MTHFD1L: variants seen among roughly 807,000 people sequenced by gnomAD.
The protein encoded by MTHFD1L is methylenetetrahydrofolate dehydrogenase (NADP+ dependent) 1 like.
MTHFD1L carries 81 observed loss-of-function variants against 119.5 expected under a neutral mutation model. That is an observed-to-expected ratio of 0.68 (90% confidence interval 0.57 to 0.82). The LOEUF (loss-of-function observed/expected upper bound fraction) is 0.82, where lower values mean the gene tolerates loss of function less well. MTHFD1L is among the 40% of genes least tolerant of loss of function. The pLI, the probability that MTHFD1L is intolerant of heterozygous loss-of-function variation, is 0.00. For synonymous variants in MTHFD1L, 430 were observed against 475.2 expected (o/e 0.90, Z 1.24); for missense variants, 1,125 against 1,253.4 (o/e 0.90, Z 1.55).
intron 8 of MTHFD1L, among the ~76,000 whole-genome samples, chr6:150,906,895 A>C (rs1347669263): frequency 1.3e-5 from 2 of 152,212 alleles, no homozygotes; most frequent in East Asian, 1.9e-4. Flanking sequence ...AACAGAGTCC[A>C]AGGAAAGAGG....
intron 25 of MTHFD1L, among the ~76,000 whole-genome samples, chr6:151,035,631 A>G (rs890228365): frequency 6.6e-6 from 1 of 152,120 alleles, no homozygotes; most frequent in Admixed American, 6.6e-5. Context: ...TGTGCAATGA[A>G]CCAAGTAAAA....
intron 26 of MTHFD1L, among the ~76,000 whole-genome samples, chr6:151,044,304 T>C (rs1787607699): frequency 6.6e-6 from 1 of 150,766 alleles, no homozygotes; most frequent in African/African-American, 2.4e-5. Flanking sequence ...TCTTTTTTTT[T>C]TTTTTTCTTT....
At chr6:150,951,859 G>C (rs1250887479) in intron 16 of MTHFD1L, among the ~76,000 whole-genome samples, 4 of 151,628 alleles carry the variant, frequency 2.6e-5, no homozygotes, top group Non-Finnish European at 5.9e-5. Flanking sequence ...GTTTACTGAT[G>C]ATAGGAAAAT....
At chr6:151,003,190 C>G (rs1182964351) in intron 20 of MTHFD1L, among the ~76,000 whole-genome samples, 1 of 151,912 alleles carries the variant, frequency 6.6e-6, no homozygotes, top group East Asian at 1.9e-4. Context: ...TTGAAAGTAC[C>G]AAACAGAATT....
chr6:151,063,560 A>G (rs959131683), intron 26 of MTHFD1L, among the ~76,000 whole-genome samples: 2 of 152,168 alleles, frequency 1.3e-5, no homozygotes, highest in African/African-American at 2.4e-5. Context: ...TTTACCAACA[A>G]ATGTGTCTTA....
chr6:151,087,999 C>CA (rs772477339), intron 26 of MTHFD1L: 3 of 152,186 alleles, frequency 2.0e-5, no homozygotes, highest in African/African-American at 7.2e-5. Context: ...CATAGATCTC[C>CA]ACTGACCCCA....
At chr6:150,962,127 T>A (rs1426809704) in intron 18 of MTHFD1L, among the ~76,000 whole-genome samples, 1 of 152,058 alleles carries the variant, frequency 6.6e-6, no homozygotes, top group Admixed American at 6.6e-5. Context: ...GTAGCTGGGA[T>A]TATGGGTGCC....
At chr6:150,972,138 C>A in intron 20 of MTHFD1L, 80 bp downstream of exon 20, 1 of 1,224,024 alleles carries the variant, frequency 8.2e-7, no homozygotes. Context: ...GAGTGATATC[C>A]ATCCTGACAT....
intron 20 of MTHFD1L, among the ~76,000 whole-genome samples, chr6:150,987,863 T>C (rs1778522974): frequency 6.6e-6 from 1 of 152,228 alleles, no homozygotes; most frequent in Non-Finnish European, 1.5e-5. Context: ...ATTTTCCATG[T>C]GCTGTGTTGA....
intron 10 of MTHFD1L, among the ~76,000 whole-genome samples, chr6:150,924,889 G>A (rs945302992): frequency 6.6e-6 from 1 of 152,208 alleles, no homozygotes; most frequent in African/African-American, 2.4e-5. Flanking sequence ...AGGCTAGAAA[G>A]GAAAGGTCGG....
chr6:150,878,517 G>T (rs559975599), intron 4 of MTHFD1L, among the ~76,000 whole-genome samples: 1 of 152,310 alleles, frequency 6.6e-6, no homozygotes, highest in East Asian at 1.9e-4. Context: ...CTCCCAAAGT[G>T]CTGGGATTAC....
At chr6:150,947,606 A>AT (rs1157178976) in intron 15 of MTHFD1L, among the ~76,000 whole-genome samples, 24 of 144,082 alleles carry the variant, frequency 1.7e-4, no homozygotes, top group East Asian at 1.6e-3. Context: ...TAAAAGTTTT[A>AT]ATTTTTTTTT....
chr6:151,001,473 C>T lies in MTHFD1L; in HGVS notation c.2126-8346C>T, dbSNP rs147328560. Among the ~76,000 whole-genome samples, 1,270 of 152,292 alleles carry T rather than the reference C, an allele frequency of 8.3e-3. 17 individuals carry two copies. Among genetic ancestry groups the T allele is most frequent in the African/African-American group, 0.029 (1,186 of 41,566 alleles). On this transcript the variant is annotated intron_variant, in intron 20 of 27. Coordinates refer to ENST00000367321, the MANE Select transcript of MTHFD1L (RefSeq NM_015440.5). Reference sequence around the variant, plus strand: ...AGAAATGAGAATTTCAGATCTAAAGCGGTTCTTGCCTTTTCTTTTCCCTCC... The same window carrying T: ...AGAAATGAGAATTTCAGATCTAAAGTGGTTCTTGCCTTTTCTTTTCCCTCC...
At chr6:150,988,870 C>T (rs977034278) in intron 20 of MTHFD1L, among the ~76,000 whole-genome samples, 3 of 146,950 alleles carry the variant, frequency 2.0e-5, no homozygotes, top group Admixed American at 6.8e-5. Context: ...CCTCCCAAAG[C>T]GCTGGGATTA....
intron 8 of MTHFD1L, among the ~76,000 whole-genome samples, chr6:150,912,051 G>A (rs962038538): frequency 1.3e-5 from 2 of 151,990 alleles, no homozygotes; most frequent in African/African-American, 4.8e-5. Flanking sequence ...CCAGATCTCA[G>A]GATAACTCAC....
chr6:150,998,349 C>T (rs1780117725), intron 20 of MTHFD1L, among the ~76,000 whole-genome samples: 1 of 152,140 alleles, frequency 6.6e-6, no homozygotes, highest in Admixed American at 6.5e-5. Flanking sequence ...AGTTGTCCTG[C>T]CAGGAATGCT....
intron 26 of MTHFD1L, among the ~76,000 whole-genome samples, chr6:151,084,566 A>C (rs1435339353): frequency 1.3e-5 from 2 of 152,158 alleles, no homozygotes; most frequent in African/African-American, 4.8e-5. Context: ...AGTGTGGGCC[A>C]CTGTGCCTGG....
At chr6:151,096,245 T>C (rs1794887639) in intron 27 of MTHFD1L, among the ~76,000 whole-genome samples, 1 of 152,252 alleles carries the variant, frequency 6.6e-6, no homozygotes, top group Non-Finnish European at 1.5e-5. Flanking sequence ...AGTCCAAGTA[T>C]AATAGAGCCA....
intron 27 of MTHFD1L, chr6:151,099,623 G>A (rs369390008): frequency 9.0e-5 from 145 of 1,607,080 alleles, no homozygotes; most frequent in Non-Finnish European, 1.0e-4. Context: ...AAAATTAAGC[G>A]TAACTGGTGG....
Sources: gnomAD v4.1 joint callset for allele counts (sites outside exome capture counted in the v4.1 genomes callset) on GRCh38, gnomAD v4.1.1 for gene constraint, MANE v1.5 for transcripts, NCBI Gene and HGNC (gene_info 2026-07-23, HGNC 2026-07-21) for gene names.